TBX21: variants seen among roughly 807,000 people sequenced by gnomAD.
TBX21 encodes the protein T-box transcription factor TBX21.
TBX21 carries 11 observed loss-of-function variants against 52.2 expected under a neutral mutation model. That is an observed-to-expected ratio of 0.21 (90% confidence interval 0.13 to 0.35). TBX21 has a LOEUF of 0.35. Ranked by LOEUF, TBX21 falls within the 10% of genes least tolerant of loss-of-function variation. The pLI is 1.00. For synonymous variants in TBX21, 300 were observed against 316.1 expected (o/e 0.95, Z 0.54); for missense variants, 625 against 755.1 (o/e 0.83, Z 2.02).
chr17:47,734,071 G>T (rs915027677), intron 1 of TBX21, 126 bp downstream of exon 1: 64 of 1,488,576 alleles, frequency 4.3e-5, no homozygotes, highest in Non-Finnish European at 5.8e-5. Context: ...TCAGCGTAGG[G>T]AGACAGGGGA....
rs1356673544 is a variant in TBX21 at position 47,744,922 on chromosome 17, G to A, written c.1164G>A (p.Gly388=). Residue 388 remains glycine, a synonymous_variant, in exon 6 of 6, where the codon GGG becomes GGA. Coordinates refer to ENST00000177694, the MANE Select transcript of TBX21 (RefSeq NM_013351.2). The stretch of plus-strand genomic sequence containing the variant: ...TGGTTCCCCAGGCTTACTGGCTGGG[G>A]GCCCCCCGGGACCACAGCTATGAGG... ...KDVVPQAYWL[G]APRDHSYEAE... is the part of the protein sequence containing the mutation. 4 of 1,614,066 alleles carry A rather than the reference G, an allele frequency of 2.5e-6. No individual in the cohort carries two copies. The highest frequency in any genetic ancestry group is 1.7e-5 in the Admixed American group (1 of 59,998).
chr17:47,735,233 TC>T (rs1257399972), intron 1 of TBX21, among the ~76,000 whole-genome samples: 2 of 152,088 alleles, frequency 1.3e-5, no homozygotes, highest in African/African-American at 4.8e-5. Flanking sequence ...CATTCTTCCC[TC>T]CAGATGATTT....
At chr17:47,735,724 A>C (rs950364008) in intron 1 of TBX21, among the ~76,000 whole-genome samples, 1 of 152,204 alleles carries the variant, frequency 6.6e-6, no homozygotes, top group Non-Finnish European at 1.5e-5. Context: ...ACTGTGCGTT[A>C]GGTAGGCCAA....
At position 47,744,824 on chromosome 17, in the gene TBX21, T is replaced by C. The variant is rs751786712; in HGVS notation, c.1066T>C (p.Ser356Pro). Reference protein sequence around the residue: ...NCQFLGGDHYSPLLPNQYPVP... With the variant: ...NCQFLGGDHYPPLLPNQYPVP... ...TCAATTCCTTGGGGGAGATCACTAC[T>C]CTCCTCTCCTACCCAACCAGTATCC... The change falls in exon 6 of 6, where the codon TCT becomes CCT. Residue 356 changes from serine to proline, a missense_variant. Ser to Pro is a moderately conservative substitution (Grantham distance 74). Coordinates refer to ENST00000177694, the MANE Select transcript of TBX21 (RefSeq NM_013351.2). 2.3e-5 allele frequency: 37 copies of C among 1,613,980 alleles called. No homozygotes were observed. In the Admixed American group the frequency reaches 6.0e-4, roughly 26 times the overall value.
intron 5 of TBX21, 27 bp from the exon 6 acceptor site, chr17:47,744,721 G>A (rs754399963): frequency 1.0e-5 from 16 of 1,601,626 alleles, no homozygotes; most frequent in South Asian, 8.9e-5. Context: ...CTTGTGACCC[G>A]TTTTCTTGCC....
At chr17:47,740,225 C>T (rs2143430315) in intron 1 of TBX21, among the ~76,000 whole-genome samples, 1 of 151,976 alleles carries the variant, frequency 6.6e-6, no homozygotes, top group East Asian at 2.0e-4. Flanking sequence ...TGCCACCACA[C>T]CAGGCTAATT....
At chr17:47,739,325 A>G (rs2032241951) in intron 1 of TBX21, among the ~76,000 whole-genome samples, 1 of 151,916 alleles carries the variant, frequency 6.6e-6, no homozygotes, top group South Asian at 2.1e-4. Context: ...TCTACTAGTG[A>G]TAAAAACAGG....
intron 1 of TBX21, among the ~76,000 whole-genome samples, chr17:47,740,767 C>A (rs1430551547): frequency 6.6e-6 from 1 of 152,102 alleles, no homozygotes; most frequent in Non-Finnish European, 1.5e-5. Context: ...ATTAACTTAT[C>A]CAGGGTCATA....
At position 47,742,774 on chromosome 17, in the gene TBX21, C is replaced by A; in HGVS notation, c.646+10C>A. ...GAGGGCAGCATGCCAGGTGCGCGCGCCCCTGGGAGCGGTGGGCTCTGTTTC... is the reference window on the plus strand; with the variant it reads ...GAGGGCAGCATGCCAGGTGCGCGCGACCCTGGGAGCGGTGGGCTCTGTTTC... On this transcript the variant is annotated intron_variant, in intron 2 of 5. Coordinates refer to ENST00000177694, the MANE Select transcript of TBX21 (RefSeq NM_013351.2). This position sits in a 1 kb window ranked among gnomAD's most constrained non-coding sequence, Gnocchi z 4.4. 6.4e-7 allele frequency: 1 copy of A among 1,555,800 alleles called. No individual in the cohort carries two copies. The highest frequency in any genetic ancestry group is 2.4e-5 in the East Asian group (1 of 42,110).
At position 47,745,007 on chromosome 17, in the gene TBX21, A is replaced by T; in HGVS notation, c.1249A>T (p.Met417Leu). ...AFLPSAPGPT[M>L]SYYRGQEVLA... The stretch of plus-strand genomic sequence containing the variant: ...CTTGCCCTCTGCCCCTGGGCCCACC[A>T]TGTCCTACTACCGAGGCCAGGAGGT... Residue 417 changes from methionine to leucine, a missense_variant, in exon 6 of 6, where the codon ATG becomes TTG. Coordinates refer to ENST00000177694, the MANE Select transcript of TBX21 (RefSeq NM_013351.2). The T allele has an allele frequency of 6.2e-7, 1 of 1,612,826 alleles. No individual in the cohort carries two copies.
chr17:47,735,683 G>A (rs2032199927), intron 1 of TBX21, among the ~76,000 whole-genome samples: 1 of 152,218 alleles, frequency 6.6e-6, no homozygotes, highest in African/African-American at 2.4e-5. Context: ...AGGCCCTGAT[G>A]CATTCAGAGT....
chr17:47,743,639 T>C (rs2143436041), intron 3 of TBX21, among the ~76,000 whole-genome samples: 1 of 151,998 alleles, frequency 6.6e-6, no homozygotes, highest in South Asian at 2.1e-4. Flanking sequence ...CCCAGCACTT[T>C]GGGAGGCCAA....
chr17:47,739,788 G>A (rs1255217040), intron 1 of TBX21, among the ~76,000 whole-genome samples: 3 of 149,374 alleles, frequency 2.0e-5, no homozygotes, highest in East Asian at 2.0e-4. Flanking sequence ...TTAGCCAGGC[G>A]CAGTGTTGGG....
intron 1 of TBX21, among the ~76,000 whole-genome samples, chr17:47,740,992 C>T (rs1391026398): frequency 6.6e-6 from 1 of 152,196 alleles, no homozygotes; most frequent in African/African-American, 2.4e-5. Flanking sequence ...TCCTTCAGGG[C>T]TTCTCATGAG....
chr17:47,742,993 C>T lies in TBX21; in HGVS notation c.647-78C>T, dbSNP rs940915144. 72 of 1,579,656 alleles carry T rather than the reference C, an allele frequency of 4.6e-5. No homozygotes were observed. In the Admixed American group the frequency reaches 1.3e-3, roughly 28 times the overall value. The stretch of plus-strand genomic sequence containing the variant: ...TCCCCCTGTGTCCTTCCTTACGTCC[C>T]TCTCGGGACAGGCAAAGCCCTACAT... On this transcript the variant is annotated intron_variant, in intron 2 of 5. Coordinates refer to ENST00000177694, the MANE Select transcript of TBX21 (RefSeq NM_013351.2). This position sits in a 1 kb window ranked among gnomAD's most constrained non-coding sequence, Gnocchi z 4.4.
rs956546889 is a variant in TBX21 at position 47,744,043 on chromosome 17, T to C, written c.769-152T>C. 11 of 988,108 alleles carry C rather than the reference T, an allele frequency of 1.1e-5. No individual in the cohort carries two copies. The East Asian group carries it at 1.6e-4, about 14-fold the overall frequency. The allele number at this position is 988,108 out of a possible 1,614,324, so 61.2% of individuals were successfully genotyped here. A position where few individuals can be genotyped will look rare whatever the true frequency, so the allele number is the denominator to read the frequency against. ...AGTCCGGACACTGGAGTTGGAAAGC[T>C]TGGGGGAAGTTACATGGTGGCAGAG... is the stretch of plus-strand genomic sequence containing the variant. On this transcript the variant is annotated intron_variant, in intron 3 of 5. Coordinates refer to ENST00000177694, the MANE Select transcript of TBX21 (RefSeq NM_013351.2).
chr17:47,740,581 A>G (rs2032257565), intron 1 of TBX21, among the ~76,000 whole-genome samples: 2 of 152,118 alleles, frequency 1.3e-5, no homozygotes, highest in African/African-American at 4.8e-5. Context: ...AAATACAAAA[A>G]TTAGCCGGGT....
rs1204970368 is a variant in TBX21 at position 47,744,862 on chromosome 17, C to T, written c.1104C>T (p.Arg368=). 1.2e-6 allele frequency: 2 copies of T among 1,614,242 alleles called. No homozygotes were observed. Among genetic ancestry groups the T allele is most frequent in the African/African-American group, 2.7e-5 (2 of 75,060 alleles). The change falls in exon 6 of 6, where the codon CGC becomes CGT. Residue 368 remains arginine, a synonymous_variant. Transcript: ENST00000177694. Reference sequence around the variant, plus strand: ...CCAACCAGTATCCTGTTCCCAGCCGCTTCTACCCCGACCTTCCTGGCCAGG... The same window carrying T: ...CCAACCAGTATCCTGTTCCCAGCCGTTTCTACCCCGACCTTCCTGGCCAGG... ...LLPNQYPVPS[R]FYPDLPGQAK...
chr17:47,745,580 C>T lies in TBX21; in HGVS notation c.*214C>T, dbSNP rs2032325068. On this transcript the variant is annotated 3_prime_UTR_variant, in exon 6 of 6. Transcript: ENST00000177694. The stretch of plus-strand genomic sequence containing the variant: ...AACCTGAGAGGGGTGTCCCCTTGCC[C>T]CATCCTCTGCCCTAACTACAGTCGT... 3 of 579,248 alleles carry T rather than the reference C, an allele frequency of 5.2e-6. No homozygotes were observed. Among genetic ancestry groups the T allele is most frequent in the African/African-American group, 3.7e-5 (2 of 53,438 alleles). The allele number at this position is 579,248 out of a possible 1,614,324, so 35.9% of individuals were successfully genotyped here.
Sources: gnomAD v4.1 joint callset for allele counts (sites outside exome capture counted in the v4.1 genomes callset) on GRCh38, gnomAD v4.1.1 for gene constraint, Gnocchi (gnomAD v3.1) non-coding constraint, MANE v1.5 for transcripts, NCBI Gene and HGNC (gene_info 2026-07-23, HGNC 2026-07-21) for gene names.